RPS6KA2: variants seen among roughly 807,000 people sequenced by gnomAD.
The protein encoded by RPS6KA2 is ribosomal protein S6 kinase A2.
RPS6KA2 carries 42 observed loss-of-function variants against 91.8 expected under a neutral mutation model. That is an observed-to-expected ratio of 0.46 (90% CI 0.36 to 0.59). RPS6KA2 has a LOEUF of 0.59. RPS6KA2 is among the 20% of genes least tolerant of loss of function. The pLI, the probability that RPS6KA2 is intolerant of heterozygous loss-of-function variation, is 0.00. For missense variants in RPS6KA2, 798 were observed against 978.5 expected, an observed-to-expected ratio of 0.82 and a Z score of 2.46; for synonymous variants, 414 against 393.6, an observed-to-expected ratio of 1.05 and a Z score of -0.61.
upstream of RPS6KA2, among the ~76,000 whole-genome samples, chr6:166,632,025 C>A (rs1326890149): frequency 1.3e-5 from 2 of 152,202 alleles, no homozygotes; most frequent in Admixed American, 6.5e-5. Context: ...AGCTGCCATG[C>A]GGTGCCTTCA....
intron 9 of RPS6KA2, 152 bp from the exon 10 acceptor site, chr6:166,489,073 A>C: frequency 3.4e-6 from 2 of 588,944 alleles, no homozygotes; most frequent in Non-Finnish European, 6.1e-6. Context: ...TTATGCTTTA[A>C]AAGTTACTGA....
intron 12 of RPS6KA2, among the ~76,000 whole-genome samples, chr6:166,455,053 G>C (rs968467937): frequency 6.6e-6 from 1 of 151,944 alleles, no homozygotes; most frequent in Non-Finnish European, 1.5e-5. Context: ...TGTATGTATA[G>C]TTGTGTGCAT....
intron 2 of RPS6KA2, among the ~76,000 whole-genome samples, chr6:166,834,547 C>T (rs1170061353): frequency 6.6e-6 from 1 of 152,092 alleles, no homozygotes; most frequent in Non-Finnish European, 1.5e-5. Context: ...ATAATGTGTA[C>T]CACAAACCCC....
intron 11 of RPS6KA2, among the ~76,000 whole-genome samples, chr6:166,465,620 G>T (rs1040405044): frequency 6.6e-6 from 1 of 152,210 alleles, no homozygotes; most frequent in Non-Finnish European, 1.5e-5. Context: ...ACACATCTTT[G>T]CTGGAAGCAT....
At chr6:166,801,152 T>G (rs1779355448) in intron 2 of RPS6KA2, among the ~76,000 whole-genome samples, 1 of 152,218 alleles carries the variant, frequency 6.6e-6, no homozygotes, top group Non-Finnish European at 1.5e-5. Context: ...TGTGTCTACT[T>G]TTATAAAAAT....
intron 2 of RPS6KA2, among the ~76,000 whole-genome samples, chr6:166,687,245 C>T (rs990954409): frequency 1.8e-4 from 28 of 152,282 alleles, no homozygotes; most frequent in African/African-American, 6.5e-4. Flanking sequence ...ATACCTGCCT[C>T]GCTTCGTTGA....
intron 13 of RPS6KA2, among the ~76,000 whole-genome samples, chr6:166,450,626 A>C (rs1033271407): frequency 1.4e-5 from 2 of 146,076 alleles, no homozygotes; most frequent in Non-Finnish European, 3.0e-5. Flanking sequence ...GGAGACCACC[A>C]CAGGGACCAC....
At chr6:166,430,959 C>T (rs1004746609) in intron 15 of RPS6KA2, among the ~76,000 whole-genome samples, 5 of 152,130 alleles carry the variant, frequency 3.3e-5, no homozygotes, top group Non-Finnish European at 7.3e-5. Flanking sequence ...GAGTCTCGCT[C>T]TGTCACCCAG....
chr6:166,614,646 G>C (rs6923603), intron 1 of RPS6KA2, among the ~76,000 whole-genome samples: 44,454 of 152,192 alleles, frequency 0.29, 6,649 homozygotes, highest in East Asian at 0.41. Context: ...CCTCCCAGTT[G>C]TGGAGATCGG....
intron 2 of RPS6KA2, among the ~76,000 whole-genome samples, chr6:166,680,672 T>A (rs1013583900): frequency 6.6e-6 from 1 of 152,218 alleles, no homozygotes; most frequent in Non-Finnish European, 1.5e-5. Flanking sequence ...GCAGCTTCAT[T>A]CCTAAAGTCA....
chr6:166,447,349 C>T (rs1779713339), intron 14 of RPS6KA2, among the ~76,000 whole-genome samples: 1 of 152,168 alleles, frequency 6.6e-6, no homozygotes, highest in Non-Finnish European at 1.5e-5. Flanking sequence ...AGACTAAACA[C>T]AGAGATGGTA....
At chr6:166,634,691 C>T (rs932667167) in intron 2 of RPS6KA2, among the ~76,000 whole-genome samples, 117 of 152,304 alleles carry the variant, frequency 7.7e-4, no homozygotes, top group African/African-American at 2.7e-3. Flanking sequence ...GTGGTGTGAA[C>T]TCAGCTCACT....
rs537001141 is a variant in RPS6KA2, at chr6:166,594,918, T to C, written c.99+32003A>G. Among the ~76,000 whole-genome samples the C allele has an allele frequency of 3.3e-5, 5 of 152,282 alleles. No individual in the cohort carries two copies. The South Asian group carries it at 6.2e-4, about 19-fold the overall frequency. On this transcript the variant is annotated intron_variant, in intron 1 of 20. Coordinates refer to ENST00000265678, the MANE Select transcript of RPS6KA2 (RefSeq NM_021135.6). ...AAAAGATAAAAGAGGCAAAATAACA[T>C]AATGGAAGGAGATCTGGAAACTGGG...
chr6:166,456,718 A>T (rs1164529352), intron 12 of RPS6KA2, among the ~76,000 whole-genome samples: 1 of 152,232 alleles, frequency 6.6e-6, no homozygotes, highest in Non-Finnish European at 1.5e-5. Flanking sequence ...TGCTCAGCTC[A>T]CATGCTTAGA....
At chr6:166,804,642 G>A (rs10155715) in intron 2 of RPS6KA2, among the ~76,000 whole-genome samples, 26,498 of 151,640 alleles carry the variant, frequency 0.17, 2,919 homozygotes, top group African/African-American at 0.31. Context: ...TATACGTTAG[G>A]TATCATATAT....
At chr6:166,619,188 T>G (rs962909062) in intron 1 of RPS6KA2, among the ~76,000 whole-genome samples, 6 of 152,210 alleles carry the variant, frequency 3.9e-5, no homozygotes, top group African/African-American at 1.2e-4. Context: ...TTTTCTTTGT[T>G]AAGATCTAGA....
In RPS6KA2 at chr6:166,464,415, C is replaced by T. The variant is rs779318936; in HGVS notation, c.973-4864G>A. Among the ~76,000 whole-genome samples, 36 of 152,250 alleles carry T rather than the reference C, an allele frequency of 2.4e-4. 1 individual carries two copies. The highest frequency in any genetic ancestry group is 5.8e-4 in the East Asian group (3 of 5,178). On this transcript the variant is annotated intron_variant, in intron 11 of 20. Transcript: ENST00000265678. The stretch of plus-strand genomic sequence containing the variant: ...ATAAACATGAGCTACTAGTATTGAT[C>T]ATGAATAACGAATAACAGTAATAAT...
At chr6:166,686,324 G>A (rs1407161142) in intron 2 of RPS6KA2, among the ~76,000 whole-genome samples, 1 of 152,156 alleles carries the variant, frequency 6.6e-6, no homozygotes, top group Non-Finnish European at 1.5e-5. Flanking sequence ...GGGACCCTCT[G>A]GCCCAGGGTT....
intron 1 of RPS6KA2, among the ~76,000 whole-genome samples, chr6:166,610,800 TTATTA>T (rs1467317052): frequency 2.0e-5 from 3 of 152,258 alleles, no homozygotes; most frequent in African/African-American, 7.2e-5. Flanking sequence ...ATTATTACAT[TTATTA>T]TAGAGTTATA....
Sources: allele counts gnomAD v4.1 joint callset (sites outside exome capture counted in the v4.1 genomes callset), GRCh38; gene constraint gnomAD v4.1.1; transcripts MANE v1.5; gene names NCBI Gene and HGNC (gene_info 2026-07-23, HGNC 2026-07-21).